The following PCDHGB4 variants were observed in gnomAD, a reference collection of about 807,000 sequenced individuals.
PCDHGB4 encodes the protein protocadherin gamma-B4.
In PCDHGB4, 38 loss-of-function variants were observed where a neutral mutation model predicts 60.5. The observed-to-expected ratio is 0.63, with a 90% CI of 0.48 to 0.82. PCDHGB4 has a LOEUF of 0.82. Among genes scored for constraint, PCDHGB4 ranks in the 40% least tolerant of loss-of-function variants. The pLI is 0.00. For synonymous variants in PCDHGB4, 456 were observed against 509.7 expected (o/e 0.89, Z 1.42); for missense variants, 1,109 against 1,209.6 (o/e 0.92, Z 1.23).
rs2091521937 is a variant in PCDHGB4 at position 141,388,866 on chromosome 5, C to A, written c.982C>A (p.Gln328Lys). Residue 328 changes from glutamine (Q) to lysine (K), a missense_variant, in exon 1 of 4, where the codon CAA (glutamine) becomes AAA (lysine). Gln to Lys is a moderately conservative substitution (Grantham distance 53, BLOSUM62 1). Coordinates refer to ENST00000519479, the MANE Select transcript of PCDHGB4 (RefSeq NM_003736.4). ...EARDGGGMIA[Q>K]CTVEVEVIDE... ...AAGGGACGGTGGAGGAATGATTGCG[C>A]AATGCACAGTGGAGGTAGAAGTCAT... is the stretch of plus-strand genomic sequence containing the variant. The A allele has an allele frequency of 2.5e-6, 4 of 1,613,832 alleles. No homozygotes were observed. Among genetic ancestry groups the A allele is most frequent in the Non-Finnish European group, 3.4e-6 (4 of 1,179,864 alleles).
chr5:141,489,080 C>CCCA lies in PCDHGB4; in HGVS notation c.2398-5727_2398-5726insCCA. On this transcript the variant is annotated intron_variant, in intron 1 of 3. Coordinates refer to ENST00000519479, the MANE Select transcript of PCDHGB4 (RefSeq NM_003736.4). This position sits in a 1 kb window ranked among gnomAD's most constrained non-coding sequence, Gnocchi z 4.5. ...TCCCCTCCCCCCTGCCCACCCCCGC[C>CCCA]ACTCGGTGACTAAGAACTGCTGCAA... 3.0e-6 allele frequency: 1 copy of CCCA among 336,172 alleles called. No individual in the cohort carries two copies. The highest frequency in any genetic ancestry group is 5.5e-5 in the East Asian group (1 of 18,342). 20.8% of individuals were successfully genotyped at this position (336,172 alleles called of 1,614,324 possible).
At chr5:141,446,055 G>A (rs1431833512) in intron 1 of PCDHGB4, among the ~76,000 whole-genome samples, 1 of 152,190 alleles carries the variant, frequency 6.6e-6, no homozygotes, top group Non-Finnish European at 1.5e-5. Flanking sequence ...AGCTGGCTTG[G>A]ATTAAAGGGG....
chr5:141,411,724 A>G (rs2095509404), intron 1 of PCDHGB4: 1 of 152,684 alleles, frequency 6.5e-6, no homozygotes, highest in South Asian at 2.1e-4. Flanking sequence ...GCTACAGAAC[A>G]TTTAAAAATT....
Position 141,394,683 on chromosome 5 carries a change from G to A in PCDHGB4, c.2397+4402G>A, listed in dbSNP as rs1008097766. ...ACTCTTCTCGGTGGGTCTGCACACG[G>A]GCGAGGTGCGCACGGCGCGAGCCCT... On this transcript the variant is annotated intron_variant, in intron 1 of 3. Coordinates refer to ENST00000519479, the MANE Select transcript of PCDHGB4 (RefSeq NM_003736.4). 5 of 1,611,630 alleles carry A rather than the reference G, an allele frequency of 3.1e-6. No homozygotes were observed. In the African/African-American group the frequency reaches 5.4e-5, roughly 17 times the overall value.
chr5:141,393,041 T>G, intron 1 of PCDHGB4: 2 of 1,613,702 alleles, frequency 1.2e-6, no homozygotes, highest in Non-Finnish European at 1.7e-6. Flanking sequence ...AGCTCTTTGC[T>G]CTGAACCCGC....
At chr5:141,452,879 A>C (rs1389712789) in intron 1 of PCDHGB4, among the ~76,000 whole-genome samples, 1 of 152,200 alleles carries the variant, frequency 6.6e-6, no homozygotes, top group Admixed American at 6.5e-5. Context: ...CATTTGTAAT[A>C]ATTTATTCCA....
rs376067853 is a variant in PCDHGB4, at chr5:141,408,397, G to C, written c.2397+18116G>C. 261 of 1,614,068 alleles carry C rather than the reference G, an allele frequency of 1.6e-4. 1 individual carries two copies. In the East Asian group the frequency reaches 5.2e-3, roughly 32 times the overall value. On this transcript the variant is annotated intron_variant, in intron 1 of 3. Coordinates refer to ENST00000519479, the MANE Select transcript of PCDHGB4 (RefSeq NM_003736.4). The stretch of plus-strand genomic sequence containing the variant: ...GTGTCCTGGATGTGTCGGCTCGCAA[G>C]CTGCGAGTGAGCGCGGAGAAGCTGC...
intron 3 of PCDHGB4, among the ~76,000 whole-genome samples, chr5:141,507,790 A>C (rs922507228): frequency 5.9e-5 from 9 of 152,188 alleles, no homozygotes; most frequent in Admixed American, 2.6e-4. Context: ...ACCCTCGTCT[A>C]AGCCTGCGCC....
chr5:141,506,760 G>A (rs1018086132), intron 3 of PCDHGB4, among the ~76,000 whole-genome samples: 1 of 152,128 alleles, frequency 6.6e-6, no homozygotes, highest in Non-Finnish European at 1.5e-5. Context: ...CTAGCTTCTG[G>A]AGCAGCAAAT....
chr5:141,408,448 G>A, intron 1 of PCDHGB4: 4 of 1,614,054 alleles, frequency 2.5e-6, no homozygotes, highest in Non-Finnish European at 2.5e-6. Context: ...CGGAGAGCGG[G>A]GACTTACTTG....
Position 141,387,784 on chromosome 5 carries a change from T to C in PCDHGB4, c.-101T>C, listed in dbSNP as rs2091093181. ...GAAGAATTTTTTCTTGAACTGGAAC[T>C]GCAACTAAAGTCCGTTCGGAGATCC... is the stretch of plus-strand genomic sequence containing the variant. On this transcript the variant is annotated 5_prime_UTR_variant, in exon 1 of 4. Transcript: ENST00000519479. 7.5e-6 allele frequency: 11 copies of C among 1,472,396 alleles called. No homozygotes were observed. The highest frequency in any genetic ancestry group is 4.2e-5 in the African/African-American group (3 of 70,700). The allele number at this position is 1,472,396 out of a possible 1,614,324, so 91.2% of individuals were successfully genotyped here.
intron 1 of PCDHGB4, 40 bp downstream of exon 1, chr5:141,390,321 C>G: frequency 6.2e-7 from 1 of 1,607,082 alleles, no homozygotes; most frequent in Non-Finnish European, 8.5e-7. Flanking sequence ...TCATTGCCTA[C>G]CCATTTCTCC....
At chr5:141,398,121 A>C (rs554777335) in intron 1 of PCDHGB4, 28 of 1,590,306 alleles carry the variant, frequency 1.8e-5, no homozygotes, top group Admixed American at 3.6e-5. Context: ...TGAGGAGAGC[A>C]AGAGGGATGG....
chr5:141,478,272 A>T, intron 1 of PCDHGB4: 7 of 1,614,160 alleles, frequency 4.3e-6, no homozygotes, highest in Non-Finnish European at 5.9e-6. Context: ...AAAGTTTACA[A>T]GTGGAAGCAG....
intron 1 of PCDHGB4, chr5:141,402,898 T>C: frequency 6.6e-7 from 1 of 1,512,304 alleles, no homozygotes; most frequent in Non-Finnish European, 8.8e-7. Context: ...AGAAAGAACC[T>C]GATGAAGCAG....
intron 1 of PCDHGB4, among the ~76,000 whole-genome samples, chr5:141,451,391 T>C (rs928399948): frequency 6.6e-6 from 1 of 152,162 alleles, no homozygotes; most frequent in Non-Finnish European, 1.5e-5. Context: ...ACATAGTTAA[T>C]GGCAAAATTA....
chr5:141,449,718 G>A (rs2098653155), intron 1 of PCDHGB4, among the ~76,000 whole-genome samples: 2 of 150,760 alleles, frequency 1.3e-5, no homozygotes, highest in Admixed American at 6.6e-5. Flanking sequence ...ATTTTTATAT[G>A]ATATGATTTT....
chr5:141,399,419 G>A, intron 1 of PCDHGB4: 1 of 1,614,000 alleles, frequency 6.2e-7, no homozygotes, highest in East Asian at 2.2e-5. Flanking sequence ...CTCTCCTCCA[G>A]CATAAGCGTC....
Position 141,477,553 on chromosome 5 carries a change from A to G in PCDHGB4, c.2398-17254A>G. ...TCCCCGGGGCTCCAATACTAAACCTAAGTGTCTGGGACCCCGACGCCCCGC... is the reference window on the plus strand; with the variant it reads ...TCCCCGGGGCTCCAATACTAAACCTGAGTGTCTGGGACCCCGACGCCCCGC... On this transcript the variant is annotated intron_variant, in intron 1 of 3. Transcript: ENST00000519479. This position sits in a 1 kb window ranked among gnomAD's most constrained non-coding sequence, Gnocchi z 4.9. 5 of 1,614,090 alleles carry G rather than the reference A, an allele frequency of 3.1e-6. No individual in the cohort carries two copies. The highest frequency in any genetic ancestry group is 4.2e-6 in the Non-Finnish European group (5 of 1,180,020).
Sources: gnomAD v4.1 joint callset for allele counts (sites outside exome capture counted in the v4.1 genomes callset) on GRCh38, gnomAD v4.1.1 for gene constraint, Gnocchi (gnomAD v3.1) non-coding constraint, MANE v1.5 for transcripts, NCBI Gene and HGNC (gene_info 2026-07-23, HGNC 2026-07-21) for gene names.